Variants in ENDOD1 observed in about 807,000 individuals in gnomAD.
The protein encoded by ENDOD1 is endonuclease domain containing 1, also known as endonuclease domain-containing 1 protein.
A neutral mutation model predicts 6.5 loss-of-function variants in ENDOD1; 9 were observed. That is an observed-to-expected ratio of 1.39 (90% CI 0.84 to 2.43). ENDOD1 has a LOEUF of 2.43. Ranked by LOEUF, ENDOD1 falls within the 30% of genes most tolerant of loss-of-function variation. The pLI is 0.00. For synonymous variants in ENDOD1, 255 were observed against 255.2 expected, an observed-to-expected ratio of 1.00 and a Z score of 0.01; for missense variants, 648 against 635.5, an observed-to-expected ratio of 1.02 and a Z score of -0.21.
Position 95,128,561 on chromosome 11 carries a change from A to G in ENDOD1, c.485A>G (p.Asn162Ser), listed in dbSNP as rs1859335052. The G allele has an allele frequency of 7.4e-6, 12 of 1,614,226 alleles. No homozygotes were observed. In the East Asian group the frequency reaches 2.7e-4, roughly 36 times the overall value. ...DVQVATFTLT[N>S]SAPMTQSFQE... ...CAGGTGGCCACATTTACTCTCACAAATTCAGCCCCAATGACTCAGTCCTTC... is the reference window on the plus strand; with the variant it reads ...CAGGTGGCCACATTTACTCTCACAAGTTCAGCCCCAATGACTCAGTCCTTC... Residue 162 changes from asparagine (N) to serine (S), a missense_variant, in exon 2 of 2, where the codon AAT (asparagine) becomes AGT (serine). By Grantham distance (46) the Asn-to-Ser change is conservative. Coordinates refer to ENST00000278505, the MANE Select transcript of ENDOD1 (RefSeq NM_015036.3).
chr11:95,089,911 C>T lies in ENDOD1; in HGVS notation c.-17C>T. 7.4e-7 allele frequency: 1 copy of T among 1,360,036 alleles called. No individual in the cohort carries two copies. The highest frequency in any genetic ancestry group is 9.5e-7 in the Non-Finnish European group (1 of 1,052,398). The allele number at this position is 1,360,036 out of a possible 1,614,324, so 84.2% of individuals were successfully genotyped here. ...GCAGCCCAGCCGCTCGGCCCCGCCG[C>T]GCTCGCAGAGGCCGCCATGGGCACC... On this transcript the variant is annotated 5_prime_UTR_variant, in exon 1 of 2. Transcript: ENST00000278505.
intron 1 of ENDOD1, among the ~76,000 whole-genome samples, chr11:95,127,782 CAG>C (rs1414146293): frequency 5.3e-5 from 8 of 149,982 alleles, no homozygotes; most frequent in Non-Finnish European, 1.2e-4. Flanking sequence ...TTTTTTGAGA[CAG>C]AGTCTTGCTC....
Position 95,131,089 on chromosome 11 carries a change from AT to A in ENDOD1, c.*1514del, listed in dbSNP as rs1859366410. The A allele has an allele frequency of 1.3e-5, 2 of 152,354 alleles. No individual in the cohort carries two copies. Among genetic ancestry groups the A allele is most frequent in the East Asian group, 3.9e-4 (2 of 5,186 alleles). 9.4% of individuals were successfully genotyped at this position (152,354 alleles called of 1,614,324 possible). Reference sequence around the variant, plus strand: ...GAAACATGAGCGTAGCAAGAGTTACATTTTGCAGAAAAATAGCGGAGGCACA... The same window carrying A: ...GAAACATGAGCGTAGCAAGAGTTACATTTGCAGAAAAATAGCGGAGGCACA... On this transcript the variant is annotated 3_prime_UTR_variant, in exon 2 of 2. Coordinates refer to ENST00000278505, the MANE Select transcript of ENDOD1 (RefSeq NM_015036.3).
chr11:95,102,846 T>C (rs1219264084), intron 1 of ENDOD1, among the ~76,000 whole-genome samples: 1 of 152,208 alleles, frequency 6.6e-6, no homozygotes, highest in Non-Finnish European at 1.5e-5. Flanking sequence ...TTTTGCCAGT[T>C]GGCTTTGGAG....
intron 1 of ENDOD1, among the ~76,000 whole-genome samples, chr11:95,093,846 T>A (rs1259992483): frequency 6.6e-6 from 1 of 152,186 alleles, no homozygotes. Flanking sequence ...GTCTTAGCTT[T>A]GGCCTTTGAA....
At chr11:95,100,335 T>A (rs915083363) in intron 1 of ENDOD1, among the ~76,000 whole-genome samples, 1 of 152,178 alleles carries the variant, frequency 6.6e-6, no homozygotes, top group Non-Finnish European at 1.5e-5. Flanking sequence ...CCTTCAGGAC[T>A]CCCCAGTGCT....
chr11:95,110,752 C>A (rs560978), intron 1 of ENDOD1, among the ~76,000 whole-genome samples: 41,921 of 152,058 alleles, frequency 0.28, 6,055 homozygotes, highest in South Asian at 0.33. Context: ...CACTTCCTTT[C>A]TGCTCTCAGG....
At chr11:95,098,966 T>G (rs1859011992) in intron 1 of ENDOD1, among the ~76,000 whole-genome samples, 1 of 152,158 alleles carries the variant, frequency 6.6e-6, no homozygotes, top group Non-Finnish European at 1.5e-5. Context: ...AGTTCACATG[T>G]TCATTTACCA....
chr11:95,125,130 C>T lies in ENDOD1; in HGVS notation c.301-3247C>T, dbSNP rs184938450. On this transcript the variant is annotated intron_variant, in intron 1 of 1. Coordinates refer to ENST00000278505, the MANE Select transcript of ENDOD1 (RefSeq NM_015036.3). ...GTAGGCACGTTTCACCCTTGGGTGGCTCTTGGGCTAGAGACACTCCAGCAT... is the reference window on the plus strand; with the variant it reads ...GTAGGCACGTTTCACCCTTGGGTGGTTCTTGGGCTAGAGACACTCCAGCAT... 2.6e-5 allele frequency among the ~76,000 whole-genome samples: 4 copies of T among 152,202 alleles called. No homozygotes were observed. The East Asian group carries it at 7.7e-4, about 29-fold the overall frequency.
chr11:95,119,590 G>A (rs551601316), intron 1 of ENDOD1, among the ~76,000 whole-genome samples: 58 of 152,306 alleles, frequency 3.8e-4, no homozygotes, highest in Admixed American at 2.0e-3. Context: ...GGCCACCACC[G>A]CTAGGACTGT....
chr11:95,115,382 GT>G (rs1555112398), intron 1 of ENDOD1, among the ~76,000 whole-genome samples: 67 of 133,436 alleles, frequency 5.0e-4, no homozygotes, highest in East Asian at 2.1e-3. Context: ...GTTCTACTAG[GT>G]TTTTTTTTTT....
At chr11:95,103,100 G>T (rs674973) in intron 1 of ENDOD1, among the ~76,000 whole-genome samples, 24,072 of 85,510 alleles carry the variant, frequency 0.28, 2,416 homozygotes, top group East Asian at 0.37. Flanking sequence ...AGGCAGAGTG[G>T]GTGTGTGTGT....
intron 1 of ENDOD1, among the ~76,000 whole-genome samples, chr11:95,099,001 A>G (rs1859012277): frequency 6.6e-6 from 1 of 152,132 alleles, no homozygotes; most frequent in African/African-American, 2.4e-5. Context: ...GTGTGTTTCT[A>G]GCTCTGGCAG....
intron 1 of ENDOD1, among the ~76,000 whole-genome samples, chr11:95,098,902 G>T (rs916737873): frequency 5.9e-5 from 9 of 152,158 alleles, no homozygotes; most frequent in African/African-American, 2.2e-4. Context: ...CAAACCTGTT[G>T]ATGTGTTGGG....
intron 1 of ENDOD1, among the ~76,000 whole-genome samples, chr11:95,120,008 G>T (rs1859246976): frequency 6.6e-6 from 1 of 152,166 alleles, no homozygotes; most frequent in Admixed American, 6.5e-5. Flanking sequence ...TTCCCTCAAA[G>T]TCTCTTTAGT....
intron 1 of ENDOD1, among the ~76,000 whole-genome samples, chr11:95,127,225 A>G (rs1447262908): frequency 9.9e-5 from 15 of 152,162 alleles, no homozygotes; most frequent in Admixed American, 9.8e-4. Flanking sequence ...AGTTTGGGGG[A>G]TAATGACATA....
intron 1 of ENDOD1, among the ~76,000 whole-genome samples, chr11:95,095,403 A>G (rs370744606): frequency 0.032 from 60 of 1,886 alleles, no homozygotes; most frequent in African/African-American, 0.085. Context: ...AAGACTGGGA[A>G]GTGCCTGACC....
chr11:95,096,174 A>G (rs1324737863), intron 1 of ENDOD1, among the ~76,000 whole-genome samples: 5 of 108,184 alleles, frequency 4.6e-5, no homozygotes, highest in African/African-American at 1.4e-4. Flanking sequence ...TGCCAGTAGC[A>G]TTTGTTTTCA....
intron 1 of ENDOD1, among the ~76,000 whole-genome samples, chr11:95,113,040 A>G (rs1220257461): frequency 6.6e-6 from 1 of 151,198 alleles, no homozygotes; most frequent in African/African-American, 2.4e-5. Context: ...TTTAATTTAA[A>G]TTTTTTTGTG....
Sources: gnomAD v4.1 joint callset for allele counts (sites outside exome capture counted in the v4.1 genomes callset) on GRCh38, gnomAD v4.1.1 for gene constraint, MANE v1.5 for transcripts, NCBI Gene and HGNC (gene_info 2026-07-23, HGNC 2026-07-21) for gene names.